Variants in TRIM37 observed in about 807,000 individuals in gnomAD.
TRIM37 encodes the protein E3 ubiquitin-protein ligase TRIM37.
In TRIM37, 80 loss-of-function variants were observed where a neutral mutation model predicts 129.8. The observed-to-expected ratio is 0.62, with a 90% CI of 0.51 to 0.74. TRIM37 has a LOEUF of 0.74. Among genes scored for constraint, TRIM37 ranks in the 30% least tolerant of loss-of-function variants. The pLI, the probability that TRIM37 is intolerant of heterozygous loss-of-function variation, is 0.00. For synonymous variants in TRIM37, 389 were observed against 387.1 expected (o/e 1.00, Z -0.06); for missense variants, 1,054 against 1,176.5 (o/e 0.90, Z 1.52).
downstream of TRIM37, among the ~76,000 whole-genome samples, chr17:58,996,430 A>G (rs139473208): frequency 0.028 from 4,249 of 150,238 alleles, 169 homozygotes; most frequent in African/African-American, 0.088. Context: ...AGATCATGCC[A>G]CTGCACTCCA....
At chr17:59,086,849 G>A (rs2043797184) in intron 4 of TRIM37, among the ~76,000 whole-genome samples, 1 of 152,158 alleles carries the variant, frequency 6.6e-6, no homozygotes, top group Non-Finnish European at 1.5e-5. Flanking sequence ...AAGACTAGCA[G>A]GTTAGCAAAT....
chr17:59,052,344 C>T (rs1414262934), intron 13 of TRIM37, among the ~76,000 whole-genome samples: 1 of 152,094 alleles, frequency 6.6e-6, no homozygotes, highest in Admixed American at 6.5e-5. Context: ...GGAAAAACCA[C>T]AAGGCAAGAC....
At chr17:59,040,873 C>T (rs537948383) in intron 17 of TRIM37, among the ~76,000 whole-genome samples, 37 of 151,616 alleles carry the variant, frequency 2.4e-4, no homozygotes, top group African/African-American at 5.6e-4. Context: ...GGTGAAACCC[C>T]GTCTCTACTA....
intron 2 of TRIM37, among the ~76,000 whole-genome samples, chr17:59,097,562 A>C (rs76571207): frequency 2.6e-5 from 4 of 152,168 alleles, no homozygotes; most frequent in Admixed American, 6.5e-5. Context: ...GAAAAAAAAA[A>C]CCAAGAATTT....
At chr17:59,083,972 TA>T (rs772272092) in intron 5 of TRIM37, 29 bp downstream of exon 5, 63 of 1,578,724 alleles carry the variant, frequency 4.0e-5, no homozygotes, top group Non-Finnish European at 4.9e-5. Context: ...GCCTCTAACT[TA>T]AAAAAAATAC....
downstream of TRIM37, among the ~76,000 whole-genome samples, chr17:58,995,712 G>A (rs562113255): frequency 5.9e-5 from 9 of 152,256 alleles, no homozygotes; most frequent in African/African-American, 1.9e-4. Context: ...AGGCAAGATC[G>A]ACTACTAGGT....
rs781502266 is a variant in TRIM37 at position 59,061,090 on chromosome 17, G to A, written c.961C>T (p.Arg321Ter). Reference sequence around the variant, plus strand: ...AGAAACACAGATAAGTAGTAACCTCGCACAACTCCATTTCCATCCTAAAAG... The same window carrying A: ...AGAAACACAGATAAGTAGTAACCTCACACAACTCCATTTCCATCCTAAAAG... ...KVYPDGNGVV[R>*]GYYLSVFLEL... is the part of the protein sequence containing the mutation. Residue 321 changes from arginine to a stop codon, truncating the protein, a stop_gained, in exon 12 of 24, where the codon CGA (arginine) becomes TGA (stop). Transcript: ENST00000262294. LOFTEE classifies it high-confidence loss of function. The A allele has an allele frequency of 3.7e-6, 6 of 1,613,352 alleles. No individual in the cohort carries two copies. The highest frequency in any genetic ancestry group is 1.7e-5 in the Admixed American group (1 of 59,994).
chr17:59,091,999 A>C (rs2044434163), intron 2 of TRIM37, among the ~76,000 whole-genome samples: 1 of 151,020 alleles, frequency 6.6e-6, no homozygotes, highest in East Asian at 1.9e-4. Context: ...GCTAATTCGA[A>C]AAAAAAAAGG....
rs1321372158 is a variant in TRIM37 at position 59,049,563 on chromosome 17, G to A, written c.1315-170C>T. Reference sequence around the variant, plus strand: ...GCTGAAGTGCAGTGGTGCCATCATAGCTCACTGCAAGCCTTGAACTACTGG... The same window carrying A: ...GCTGAAGTGCAGTGGTGCCATCATAACTCACTGCAAGCCTTGAACTACTGG... On this transcript the variant is annotated intron_variant, in intron 14 of 23. Transcript: ENST00000262294. Among the ~76,000 whole-genome samples, 17 of 152,196 alleles carry A rather than the reference G, an allele frequency of 1.1e-4. 1 individual carries two copies. The highest frequency in any genetic ancestry group is 1.0e-3 in the Admixed American group (16 of 15,270).
At chr17:59,055,102 C>G (rs561953480) in intron 13 of TRIM37, among the ~76,000 whole-genome samples, 6 of 151,676 alleles carry the variant, frequency 4.0e-5, no homozygotes, top group African/African-American at 1.4e-4. Flanking sequence ...TATGGGAGGC[C>G]GAAGTGGGTG....
Position 59,091,481 on chromosome 17 carries a change from AATAT to A in TRIM37, c.124-145_124-142del, listed in dbSNP as rs532693963. On this transcript the variant is annotated intron_variant, in intron 2 of 23. Coordinates refer to ENST00000262294, the MANE Select transcript of TRIM37 (RefSeq NM_015294.6). ...TAAATATATAATATTCATAATATAT[AATAT>A]ATAATATATTATTATATAACATATC... 81 of 153,528 alleles carry A rather than the reference AATAT, an allele frequency of 5.3e-4. 2 individuals are homozygous for A. In the East Asian group the frequency reaches 0.014, roughly 27 times the overall value. 9.5% of individuals were successfully genotyped at this position (153,528 alleles called of 1,614,324 possible).
At chr17:58,996,809 TG>T (rs376671309), downstream of TRIM37, among the ~76,000 whole-genome samples, 41,826 of 150,578 alleles carry the variant, frequency 0.28, 6,479 homozygotes, top group Middle Eastern at 0.41. Flanking sequence ...TGTGTGTGTG[TG>T]TGTGTGTGTG....
intron 17 of TRIM37, among the ~76,000 whole-genome samples, chr17:59,040,201 T>C (rs995776912): frequency 6.6e-6 from 1 of 151,570 alleles, no homozygotes; most frequent in African/African-American, 2.4e-5. Flanking sequence ...TCACCAAGAC[T>C]GGTAGAGAAG....
chr17:58,982,017 GCTA>G (rs2031383262), downstream of TRIM37: 1 of 152,618 alleles, frequency 6.6e-6, no homozygotes, highest in Non-Finnish European at 1.5e-5. Flanking sequence ...AATGAAAAAT[GCTA>G]CTTTTATCTT....
At chr17:59,045,614 G>A (rs1366498536) in intron 16 of TRIM37, among the ~76,000 whole-genome samples, 8 of 150,576 alleles carry the variant, frequency 5.3e-5, no homozygotes, top group African/African-American at 1.7e-4. Flanking sequence ...ACTTAAGCCC[G>A]GGTGACAGTG....
At chr17:58,993,347 A>G (rs2032644957), downstream of TRIM37, among the ~76,000 whole-genome samples, 1 of 152,234 alleles carries the variant, frequency 6.6e-6, no homozygotes, top group Admixed American at 6.5e-5. Flanking sequence ...ACACTCACAC[A>G]AAAATCTGTA....
rs141574533 is a variant in TRIM37, at chr17:59,030,256, C to A, written c.1949-1533G>T. On this transcript the variant is annotated intron_variant, in intron 18 of 23. Coordinates refer to ENST00000262294, the MANE Select transcript of TRIM37 (RefSeq NM_015294.6). ...AGGTAGCTGGGATTACAGGCACCTG[C>A]CACAATGGCCGGCTAATTTTTTGTA... 7.6e-3 allele frequency among the ~76,000 whole-genome samples: 1,157 copies of A among 152,296 alleles called. 15 individuals carry two copies. Among genetic ancestry groups the A allele is most frequent in the African/African-American group, 0.026 (1,075 of 41,548 alleles).
intron 21 of TRIM37, 38 bp downstream of exon 21, chr17:59,015,572 C>A (rs1361891374): frequency 6.3e-7 from 1 of 1,594,884 alleles, no homozygotes; most frequent in Non-Finnish European, 8.6e-7. Context: ...AAGCTATTAG[C>A]TATTATACCA....
intron 13 of TRIM37, among the ~76,000 whole-genome samples, 160 bp downstream of exon 13, chr17:59,056,715 C>CAAAAAAAAAAAA (rs2040928347): frequency 2.5e-4 from 1 of 3,926 alleles, no homozygotes; most frequent in Non-Finnish European, 1.1e-3. Context: ...GACTATGTCT[C>CAAAAAAAAAAAA]CAAAAAAAAA....
Sources: gnomAD v4.1 joint callset for allele counts (sites outside exome capture counted in the v4.1 genomes callset) on GRCh38, gnomAD v4.1.1 for gene constraint, MANE v1.5 for transcripts, NCBI Gene and HGNC (gene_info 2026-07-23, HGNC 2026-07-21) for gene names.